ESCO1: variants seen among roughly 807,000 people sequenced by gnomAD.
ESCO1 encodes establishment of sister chromatid cohesion N-acetyltransferase 1, also known as N-acetyltransferase ESCO1.
In ESCO1, 33 loss-of-function variants were observed where a neutral mutation model predicts 83.5. That is an observed-to-expected ratio of 0.40 (90% CI 0.30 to 0.53). The LOEUF (loss-of-function observed/expected upper bound fraction) is 0.53. Ranked by LOEUF, ESCO1 falls within the 20% of genes least tolerant of loss-of-function variation. The probability of loss-of-function intolerance (pLI) is 0.63; values close to 1 mark genes in which losing one functional copy is unlikely to be tolerated. For missense variants in ESCO1, 855 were observed against 968.0 expected (o/e 0.88, Z 1.55); for synonymous variants, 332 against 324.3 (o/e 1.02, Z -0.25).
At chr18:21,542,557 C>G (rs1347930296) in intron 8 of ESCO1, among the ~76,000 whole-genome samples, 1 of 152,188 alleles carries the variant, frequency 6.6e-6, no homozygotes, top group African/African-American at 2.4e-5. Context: ...TTTAAGATGA[C>G]TGCTCAAAGA....
chr18:21,598,605 G>A (rs2038797559), intron 1 of ESCO1, among the ~76,000 whole-genome samples: 2 of 152,282 alleles, frequency 1.3e-5, no homozygotes, highest in East Asian at 3.9e-4. Flanking sequence ...GGGAGGCCGA[G>A]GCAGGAGAAT....
chr18:21,563,318 AG>A (rs2038213803), intron 7 of ESCO1, among the ~76,000 whole-genome samples: 1 of 152,124 alleles, frequency 6.6e-6, no homozygotes. Context: ...TACAAGACAA[AG>A]TCACTATTTA....
At chr18:21,594,330 C>T (rs2038728919) in intron 1 of ESCO1, among the ~76,000 whole-genome samples, 1 of 152,214 alleles carries the variant, frequency 6.6e-6, no homozygotes, top group Admixed American at 6.5e-5. Context: ...GTGAATTGTT[C>T]TTCAGCAAAG....
At chr18:21,589,757 G>A (rs1330953503) in intron 1 of ESCO1, among the ~76,000 whole-genome samples, 5 of 152,076 alleles carry the variant, frequency 3.3e-5, no homozygotes, top group Admixed American at 6.6e-5. Context: ...AAAGTCTACC[G>A]AGAACATCAG....
intron 4 of ESCO1, among the ~76,000 whole-genome samples, chr18:21,571,000 C>T (rs2038333256): frequency 6.6e-6 from 1 of 151,604 alleles, no homozygotes; most frequent in African/African-American, 2.4e-5. Flanking sequence ...GAGTTGCAGT[C>T]TTCATCTACA....
chr18:21,562,033 C>T (rs1271599556), intron 7 of ESCO1, among the ~76,000 whole-genome samples: 1 of 151,948 alleles, frequency 6.6e-6, no homozygotes, highest in East Asian at 2.0e-4. Context: ...CACCCACCAA[C>T]ATGCCCAGCT....
At chr18:21,540,209 C>T (rs2037888164) in intron 8 of ESCO1, among the ~76,000 whole-genome samples, 200 bp from the exon 9 acceptor site, 1 of 152,094 alleles carries the variant, frequency 6.6e-6, no homozygotes, top group South Asian at 2.1e-4. Flanking sequence ...ACAAGGCAAG[C>T]TAATTTCTCT....
At chr18:21,559,096 T>TA (rs1021281464) in intron 8 of ESCO1, among the ~76,000 whole-genome samples, 6 of 152,224 alleles carry the variant, frequency 3.9e-5, no homozygotes, top group Non-Finnish European at 8.8e-5. Flanking sequence ...CCATACACTA[T>TA]AGAATACCAC....
intron 1 of ESCO1, among the ~76,000 whole-genome samples, chr18:21,590,363 A>G (rs1012796793): frequency 2.0e-5 from 3 of 151,668 alleles, no homozygotes; most frequent in Non-Finnish European, 4.4e-5. Context: ...CTGGGACTAC[A>G]GGCACGCGCC....
intron 2 of ESCO1, among the ~76,000 whole-genome samples, chr18:21,579,514 G>A (rs2038463903): frequency 6.6e-6 from 1 of 151,462 alleles, no homozygotes; most frequent in South Asian, 2.1e-4. Flanking sequence ...GCTCACGCCT[G>A]TAATCCCAGC....
At chr18:21,579,283 T>G (rs2038460459) in intron 2 of ESCO1, among the ~76,000 whole-genome samples, 1 of 151,486 alleles carries the variant, frequency 6.6e-6, no homozygotes, top group Non-Finnish European at 1.5e-5. Flanking sequence ...CATGAGCCAC[T>G]GCACCTGGCC....
At chr18:21,567,469 T>A (rs1017290036) in intron 5 of ESCO1, among the ~76,000 whole-genome samples, 13 of 151,602 alleles carry the variant, frequency 8.6e-5, no homozygotes, top group Admixed American at 7.2e-4. Context: ...CCGGCCCAAA[T>A]AATGTGTTAT....
chr18:21,577,622 T>C (rs1465197328), intron 2 of ESCO1, among the ~76,000 whole-genome samples: 2 of 143,972 alleles, frequency 1.4e-5, no homozygotes, highest in East Asian at 4.1e-4. Flanking sequence ...ATTGCACCAC[T>C]GCACTCTAGC....
intron 4 of ESCO1, among the ~76,000 whole-genome samples, chr18:21,572,273 G>A (rs947843405): frequency 6.6e-5 from 10 of 152,074 alleles, no homozygotes; most frequent in African/African-American, 1.9e-4. Flanking sequence ...AAATAAATCA[G>A]TTTGATCTAT....
intron 8 of ESCO1, among the ~76,000 whole-genome samples, chr18:21,559,560 CA>C (rs1405185253): frequency 6.6e-6 from 1 of 152,094 alleles, no homozygotes; most frequent in Non-Finnish European, 1.5e-5. Context: ...AAATGATCAC[CA>C]GAATTGAATA....
rs762792873 is a variant in ESCO1, at chr18:21,568,083, T to C, written c.1542A>G (p.Gln514=). ...FDSASNKNFS[Q]CLESKLENSP... is the part of the protein sequence containing the mutation. ...TGTTTTCTAGCTTGGATTCCAAACA[T>C]TGGCTGAAATTCTGAACACATATAA... Residue 514 remains glutamine, a synonymous_variant, in exon 5 of 12, where the codon CAA becomes CAG. Coordinates refer to ENST00000269214, the MANE Select transcript of ESCO1 (RefSeq NM_052911.3). 19 of 1,613,296 alleles carry C rather than the reference T, an allele frequency of 1.2e-5. No individual in the cohort carries two copies. The highest frequency in any genetic ancestry group is 4.4e-5 in the South Asian group (4 of 90,964).
chr18:21,532,765 A>G (rs959430693), intron 10 of ESCO1, 105 bp from the exon 11 acceptor site: 47 of 1,038,628 alleles, frequency 4.5e-5, no homozygotes, highest in Non-Finnish European at 5.9e-5. Flanking sequence ...TTAACAAACT[A>G]TGGGGCCACT....
chr18:21,532,106 AG>A (rs773528092), intron 11 of ESCO1, among the ~76,000 whole-genome samples: 123 of 152,318 alleles, frequency 8.1e-4, no homozygotes, highest in East Asian at 9.6e-4. Flanking sequence ...TCTTGAATTA[AG>A]ATAAATTTCT....
In ESCO1 at chr18:21,568,419, C is replaced by CA. The variant is rs34625070; in HGVS notation, c.1531-326dup. 8.6e-5 allele frequency among the ~76,000 whole-genome samples: 13 copies of CA among 151,556 alleles called. No individual in the cohort carries two copies. The East Asian group carries it at 1.9e-3, about 23-fold the overall frequency. On this transcript the variant is annotated intron_variant, in intron 4 of 11. Coordinates refer to ENST00000269214, the MANE Select transcript of ESCO1 (RefSeq NM_052911.3). ...TGGACAACATAGTGACACCCTATCT[C>CA]AAAAAAAAGGAAATATCTCTTCCAC...
Sources: allele counts gnomAD v4.1 joint callset (sites outside exome capture counted in the v4.1 genomes callset), GRCh38; gene constraint gnomAD v4.1.1; transcripts MANE v1.5; gene names NCBI Gene and HGNC (gene_info 2026-07-23, HGNC 2026-07-21).